Variants in C11orf65 observed in about 807,000 individuals in gnomAD.
C11orf65 encodes the protein chromosome 11 open reading frame 65, also known as protein MFI.
C11orf65 carries 38 observed loss-of-function variants against 35.3 expected under a neutral mutation model. That is an observed-to-expected ratio of 1.08 (90% CI 0.83 to 1.41). The LOEUF is 1.41. Ranked by LOEUF, C11orf65 falls within the 40% of genes most tolerant of loss-of-function variation. The pLI is 0.00. For missense variants in C11orf65, 370 were observed against 367.1 expected, an observed-to-expected ratio of 1.01 and a Z score of -0.06; for synonymous variants, 105 against 114.4, an observed-to-expected ratio of 0.92 and a Z score of 0.53.
chr11:108,376,368 C>T (rs141989564), intron 2 of C11orf65, among the ~76,000 whole-genome samples: 1 of 152,172 alleles, frequency 6.6e-6, no homozygotes, highest in Non-Finnish European at 1.5e-5. Context: ...GAACAACCTG[C>T]TCCTGAATGG....
chr11:108,356,433 G>C (rs2089929581), intron 2 of C11orf65, among the ~76,000 whole-genome samples: 1 of 151,852 alleles, frequency 6.6e-6, no homozygotes, highest in African/African-American at 2.4e-5. Flanking sequence ...CTACTCAGGA[G>C]GCTGAGGCAG....
At chr11:108,441,041 T>A (rs2093145259) in intron 2 of C11orf65, among the ~76,000 whole-genome samples, 1 of 152,170 alleles carries the variant, frequency 6.6e-6, no homozygotes, top group African/African-American at 2.4e-5. Flanking sequence ...ACCCAGGAAG[T>A]GCAAGGGGTT....
chr11:108,402,801 C>A (rs1473750756), intron 6 of C11orf65, among the ~76,000 whole-genome samples: 1 of 152,114 alleles, frequency 6.6e-6, no homozygotes, highest in African/African-American at 2.4e-5. Flanking sequence ...AGATTTGTGT[C>A]TTCTAGAATT....
At chr11:108,337,120 G>T (rs1203765414) in intron 2 of C11orf65, among the ~76,000 whole-genome samples, 4 of 152,118 alleles carry the variant, frequency 2.6e-5, no homozygotes, top group Non-Finnish European at 5.9e-5. Context: ...CCTCCAAAAT[G>T]CTGCTTGAGT....
chr11:108,424,586 A>G (rs559422322), intron 3 of C11orf65, among the ~76,000 whole-genome samples: 2 of 152,286 alleles, frequency 1.3e-5, no homozygotes, highest in East Asian at 3.9e-4. Flanking sequence ...CCCCCCTGTC[A>G]ACATTAGACA....
At chr11:108,383,198 T>TA in intron 8 of C11orf65, 23 bp from the exon 9 acceptor site, 1 of 1,534,492 alleles carries the variant, frequency 6.5e-7, no homozygotes, top group African/African-American at 1.4e-5. Flanking sequence ...GACAAATGAT[T>TA]AGAAAGATAC....
At chr11:108,355,413 C>G (rs2089778073) in intron 2 of C11orf65, 1 of 163,576 alleles carries the variant, frequency 6.1e-6, no homozygotes, top group African/African-American at 2.4e-5. Context: ...AGAGCAAACA[C>G]ATGTAATCAG....
chr11:108,366,156 T>C lies in C11orf65; in HGVS notation c.226+27052A>G, dbSNP rs2091317966. The C allele has an allele frequency of 2.0e-5, 4 of 196,618 alleles. No individual in the cohort carries two copies. The South Asian group carries it at 7.6e-4, about 37-fold the overall frequency. 12.2% of individuals were successfully genotyped at this position (196,618 alleles called of 1,614,324 possible). A position where few individuals can be genotyped will look rare whatever the true frequency, so the allele number is the denominator to read the frequency against. On this transcript the variant is annotated intron_variant, in intron 2 of 3. Transcript: ENST00000524755. ...ACACAGTTAGTGTAGTTACTATTTT[T>C]TTAAGTGTGTATTAAAACTTCTCAT... is the stretch of plus-strand genomic sequence containing the variant.
At chr11:108,449,901 A>G (rs1807807317) in intron 2 of C11orf65, among the ~76,000 whole-genome samples, 1 of 152,028 alleles carries the variant, frequency 6.6e-6, no homozygotes, top group South Asian at 2.1e-4. Context: ...ACAAAGGGCT[A>G]ATATCAAGAA....
intron 3 of C11orf65, among the ~76,000 whole-genome samples, chr11:108,421,663 C>T (rs1052627307): frequency 6.6e-6 from 1 of 151,968 alleles, no homozygotes; most frequent in Non-Finnish European, 1.5e-5. Context: ...ATCTCAAAAA[C>T]AAAAACAAAC....
At position 108,321,322 on chromosome 11, in the gene C11orf65, G is replaced by A. The variant is rs1565511084; in HGVS notation, c.641-12251C>T. 3.1e-6 allele frequency: 5 copies of A among 1,614,178 alleles called. No individual in the cohort carries two copies. The highest frequency in any genetic ancestry group is 4.2e-6 in the Non-Finnish European group (5 of 1,180,008). On this transcript the variant is annotated intron_variant, in intron 6 of 6. Coordinates refer to the C11orf65 transcript ENST00000525729. ...CTAGAGTAAAAGAAGTGGAAGAGATGTGTAAGCGCAGCCTTGAGTCTGTGT... is the reference window on the plus strand; with the variant it reads ...CTAGAGTAAAAGAAGTGGAAGAGATATGTAAGCGCAGCCTTGAGTCTGTGT...
chr11:108,431,623 T>C (rs1591540123), intron 3 of C11orf65, 123 bp downstream of exon 3: 2 of 464,212 alleles, frequency 4.3e-6, no homozygotes, highest in South Asian at 6.9e-5. Context: ...TTTCAACATA[T>C]GTGTAATACT....
rs2084243571 is a variant in C11orf65 at position 108,312,434 on chromosome 11, G to A, written c.641-3363C>T. On this transcript the variant is annotated intron_variant, in intron 6 of 6. Transcript: ENST00000525729. ...AGAAGTCTTGCATTTGAAGAAGGAA[G>A]CCAGAGTACAACTATTTCTAGCTTG... is the stretch of plus-strand genomic sequence containing the variant. 1 of 1,596,298 alleles carries A rather than the reference G, an allele frequency of 6.3e-7. No individual in the cohort carries two copies. The highest frequency in any genetic ancestry group is 8.6e-7 in the Non-Finnish European group (1 of 1,164,054).
chr11:108,413,951 T>C (rs1364446163), intron 3 of C11orf65, among the ~76,000 whole-genome samples: 1 of 152,126 alleles, frequency 6.6e-6, no homozygotes, highest in Non-Finnish European at 1.5e-5. Flanking sequence ...ACTGAATGTG[T>C]GTATTAGAAA....
chr11:108,389,012 G>A (rs146423773), intron 7 of C11orf65, among the ~76,000 whole-genome samples: 3 of 152,328 alleles, frequency 2.0e-5, no homozygotes, highest in Middle Eastern at 3.4e-3. Context: ...CTGTCATAAC[G>A]GACTAGAACA....
rs188446167 is a variant in C11orf65 at position 108,405,085 on chromosome 11, G to C, written c.560+344C>G. Among the ~76,000 whole-genome samples the C allele has an allele frequency of 5.3e-5, 8 of 152,324 alleles. No individual in the cohort carries two copies. The East Asian group carries it at 1.3e-3, about 26-fold the overall frequency. On this transcript the variant is annotated intron_variant, in intron 6 of 8. Coordinates refer to ENST00000393084, the MANE Select transcript of C11orf65 (RefSeq NM_152587.5). Reference sequence around the variant, plus strand: ...CGGTCTTAAGACAAGCCTTTGATGTGTGCTTTTTACTCGGGAAGTCCACAA... The same window carrying C: ...CGGTCTTAAGACAAGCCTTTGATGTCTGCTTTTTACTCGGGAAGTCCACAA...
chr11:108,441,435 G>A (rs1404511459), intron 2 of C11orf65, among the ~76,000 whole-genome samples: 1 of 152,238 alleles, frequency 6.6e-6, no homozygotes, highest in Non-Finnish European at 1.5e-5. Context: ...AACTTCTGCA[G>A]ACTTAAACGT....
intron 2 of C11orf65, among the ~76,000 whole-genome samples, chr11:108,372,167 TAA>T (rs2091591138): frequency 6.7e-6 from 1 of 150,000 alleles, no homozygotes; most frequent in Non-Finnish European, 1.5e-5. Context: ...TTTGTAACAC[TAA>T]ATTTTATTCA....
chr11:108,345,359 T>C (rs1193289052), intron 2 of C11orf65, among the ~76,000 whole-genome samples: 1 of 152,230 alleles, frequency 6.6e-6, no homozygotes, highest in Non-Finnish European at 1.5e-5. Context: ...CTGCCATCTA[T>C]GAGGGATTCT....
Sources: allele counts gnomAD v4.1 joint callset (sites outside exome capture counted in the v4.1 genomes callset), GRCh38; gene constraint gnomAD v4.1.1; transcripts MANE v1.5; gene names NCBI Gene and HGNC (gene_info 2026-07-23, HGNC 2026-07-21).